CSMD1: variants seen among roughly 807,000 people sequenced by gnomAD.
CSMD1 encodes the protein CUB and Sushi multiple domains 1.
A neutral mutation model predicts 417.5 loss-of-function variants in CSMD1; 213 were observed. The ratio of observed to expected loss-of-function variants is 0.51; its 90% CI spans 0.46 to 0.57. The LOEUF is 0.57. Ranked by LOEUF, CSMD1 falls within the 20% of genes least tolerant of loss-of-function variation. The pLI is 0.00. For synonymous variants in CSMD1, 2,862 were observed against 1,736.8 expected (o/e 1.65, Z -16.11); for missense variants, 6,923 against 4,529.7 (o/e 1.53, Z -15.17).
intron 10 of CSMD1, among the ~76,000 whole-genome samples, chr8:3,519,497 A>C (rs546297087): frequency 1.3e-5 from 2 of 152,306 alleles, no homozygotes; most frequent in East Asian, 3.9e-4. Flanking sequence ...TTCAAACTCC[A>C]GCCAGCTTGT....
At chr8:4,014,112 A>T (rs896005691) in intron 4 of CSMD1, among the ~76,000 whole-genome samples, 1 of 152,238 alleles carries the variant, frequency 6.6e-6, no homozygotes, top group Non-Finnish European at 1.5e-5. Context: ...TCAGCAAATT[A>T]AAAAGAAATG....
In CSMD1 at chr8:4,092,937, A is replaced by T. The variant is rs181973347; in HGVS notation, c.416-60838T>A. On this transcript the variant is annotated intron_variant, in intron 3 of 69. Transcript: ENST00000635120. ...TAATATTTATTTCTCTGAATCCTTT[A>T]TTACTCTTCCTGTCACTCCTCTCTG... Among the ~76,000 whole-genome samples, 3 of 152,106 alleles carry T rather than the reference A, an allele frequency of 2.0e-5. No individual in the cohort carries two copies. The East Asian group carries it at 5.8e-4, about 29-fold the overall frequency.
chr8:4,402,396 C>T (rs940976154), intron 3 of CSMD1, among the ~76,000 whole-genome samples: 6 of 152,170 alleles, frequency 3.9e-5, no homozygotes, highest in African/African-American at 7.2e-5. Flanking sequence ...CTGACCTCTC[C>T]GCTAGCCTTA....
intron 5 of CSMD1, among the ~76,000 whole-genome samples, chr8:3,964,927 G>C (rs932604446): frequency 6.6e-6 from 1 of 152,096 alleles, no homozygotes; most frequent in Non-Finnish European, 1.5e-5. Flanking sequence ...TTAAATATTT[G>C]TCTTCATTTT....
intron 10 of CSMD1, among the ~76,000 whole-genome samples, chr8:3,522,647 C>A (rs1490410178): frequency 6.6e-6 from 1 of 152,042 alleles, no homozygotes; most frequent in African/African-American, 2.4e-5. Context: ...TACTTTATTG[C>A]AGACTTTGTG....
chr8:4,383,723 G>C (rs1480722382), intron 3 of CSMD1, among the ~76,000 whole-genome samples: 1 of 151,776 alleles, frequency 6.6e-6, no homozygotes, highest in Non-Finnish European at 1.5e-5. Context: ...TGTCCCATGA[G>C]AAATTCCACA....
chr8:3,308,264 C>G (rs778290727), intron 24 of CSMD1, 48 bp downstream of exon 24: 2 of 1,472,470 alleles, frequency 1.4e-6, no homozygotes, highest in Non-Finnish European at 1.9e-6. Context: ...GGTGCAAGCA[C>G]CCTAAGGCCT....
chr8:3,886,138 T>A (rs1370488015), intron 5 of CSMD1, among the ~76,000 whole-genome samples: 3 of 151,976 alleles, frequency 2.0e-5, no homozygotes, highest in African/African-American at 7.2e-5. Context: ...GCAACCTCTG[T>A]CTCTCTGTTT....
At chr8:3,228,549 T>C (rs1274054780) in intron 27 of CSMD1, among the ~76,000 whole-genome samples, 1 of 152,196 alleles carries the variant, frequency 6.6e-6, no homozygotes, top group Admixed American at 6.5e-5. Flanking sequence ...ACAGGGGTAT[T>C]TATTTACCTT....
intron 3 of CSMD1, among the ~76,000 whole-genome samples, chr8:4,367,057 C>T (rs988310359): frequency 5.9e-5 from 9 of 152,236 alleles, no homozygotes; most frequent in African/African-American, 2.2e-4. Flanking sequence ...TAATAGGTCC[C>T]ACTTGTCAAT....
At chr8:4,695,537 T>C (rs902411972) in intron 1 of CSMD1, among the ~76,000 whole-genome samples, 3 of 152,168 alleles carry the variant, frequency 2.0e-5, no homozygotes, top group Non-Finnish European at 4.4e-5. Flanking sequence ...ACAGCAGTTT[T>C]AAGTTCACAG....
At chr8:3,524,982 G>A (rs1417569049) in intron 10 of CSMD1, among the ~76,000 whole-genome samples, 1 of 152,108 alleles carries the variant, frequency 6.6e-6, no homozygotes, top group Non-Finnish European at 1.5e-5. Context: ...GGCACCCCAG[G>A]AAAAATGATA....
intron 7 of CSMD1, among the ~76,000 whole-genome samples, chr8:3,707,395 C>G (rs1469795767): frequency 2.6e-5 from 4 of 152,082 alleles, no homozygotes; most frequent in Non-Finnish European, 5.9e-5. Flanking sequence ...ATGCAAAACA[C>G]CGGGGACAGG....
At chr8:4,941,010 T>C (rs1018020204) in intron 1 of CSMD1, among the ~76,000 whole-genome samples, 1 of 152,070 alleles carries the variant, frequency 6.6e-6, no homozygotes, top group African/African-American at 2.4e-5. Context: ...GCGATTAATT[T>C]TGAGAGAGGA....
chr8:3,429,192 T>C (rs561649633), intron 12 of CSMD1, among the ~76,000 whole-genome samples: 1 of 152,042 alleles, frequency 6.6e-6, no homozygotes, highest in African/African-American at 2.4e-5. Flanking sequence ...ATTTTCAATG[T>C]TTTTACCGTA....
chr8:4,039,740 G>C (rs937846325), intron 3 of CSMD1, among the ~76,000 whole-genome samples: 6 of 152,188 alleles, frequency 3.9e-5, no homozygotes, highest in Admixed American at 1.3e-4. Flanking sequence ...AAATAAGAAA[G>C]ATAAATTGAT....
At chr8:3,025,568 T>G (rs1204290579) in intron 51 of CSMD1, among the ~76,000 whole-genome samples, 1 of 152,230 alleles carries the variant, frequency 6.6e-6, no homozygotes, top group African/African-American at 2.4e-5. Flanking sequence ...TCTGATATTC[T>G]TTTAGCGGTC....
rs191632684 is a variant in CSMD1, at chr8:3,579,790, G to A, written c.1223-4724C>T. 3.3e-5 allele frequency among the ~76,000 whole-genome samples: 5 copies of A among 152,264 alleles called. No homozygotes were observed. The East Asian group carries it at 9.6e-4, about 29-fold the overall frequency. On this transcript the variant is annotated intron_variant, in intron 9 of 69. Coordinates refer to ENST00000635120, the MANE Select transcript of CSMD1 (RefSeq NM_033225.6). ...GGATTGAATAAAAGAAGACAATAAA[G>A]CATTTACTACATGGCCTGACATATC...
intron 31 of CSMD1, among the ~76,000 whole-genome samples, chr8:3,204,775 C>T (rs1395657999): frequency 1.3e-5 from 2 of 152,146 alleles, no homozygotes; most frequent in East Asian, 1.9e-4. Flanking sequence ...GACTATGTAG[C>T]GTTTTCAATT....
Sources: allele counts gnomAD v4.1 joint callset (sites outside exome capture counted in the v4.1 genomes callset), GRCh38; gene constraint gnomAD v4.1.1; transcripts MANE v1.5; gene names NCBI Gene and HGNC (gene_info 2026-07-23, HGNC 2026-07-21).